Variants in CCM2 observed in about 807,000 individuals in gnomAD.
CCM2 encodes the protein CCM2 scaffold protein.
In CCM2, 25 loss-of-function variants were observed where a neutral mutation model predicts 44.9. That is an observed-to-expected ratio of 0.56 (90% CI 0.41 to 0.78). The LOEUF (loss-of-function observed/expected upper bound fraction) is 0.78. Ranked by LOEUF, CCM2 falls within the 30% of genes least tolerant of loss-of-function variation. The pLI is 0.00. For synonymous variants in CCM2, 219 were observed against 241.1 expected, an observed-to-expected ratio of 0.91 and a Z score of 0.85; for missense variants, 481 against 580.6, an observed-to-expected ratio of 0.83 and a Z score of 1.76.
chr7:45,003,717 G>A lies in CCM2; in HGVS notation c.30+3354G>A, dbSNP rs1795735887. Among the ~76,000 whole-genome samples the A allele has an allele frequency of 2.5e-5, 3 of 121,728 alleles. No homozygotes were observed. The South Asian group carries it at 8.8e-4, about 36-fold the overall frequency. 79.9% of individuals were successfully genotyped at this position (121,728 alleles called of 152,430 possible). ...TACTCCAGCCTGGGCAACAGGGCAA[G>A]ACTCCATCTCCAAAAAAAAAAAAAA... On this transcript the variant is annotated intron_variant, in intron 1 of 9. Coordinates refer to ENST00000258781, the MANE Select transcript of CCM2 (RefSeq NM_031443.4).
intron 1 of CCM2, among the ~76,000 whole-genome samples, chr7:45,037,134 A>G (rs937715025): frequency 6.6e-6 from 1 of 151,974 alleles, no homozygotes; most frequent in African/African-American, 2.4e-5. Flanking sequence ...CTCTCAGCAC[A>G]ATTTGGGATT....
chr7:45,032,307 G>C (rs137885115), intron 1 of CCM2, among the ~76,000 whole-genome samples: 1 of 152,214 alleles, frequency 6.6e-6, no homozygotes, highest in South Asian at 2.1e-4. Flanking sequence ...TAAAATGTTC[G>C]TGATTTGGAG....
chr7:45,072,338 C>T, intron 6 of CCM2: 1 of 362,562 alleles, frequency 2.8e-6, no homozygotes, highest in Non-Finnish European at 5.4e-6. Context: ...CTCTGACTTA[C>T]TTCCTAATCT....
At chr7:45,058,776 A>G (rs1798386206) in intron 2 of CCM2, among the ~76,000 whole-genome samples, 1 of 151,954 alleles carries the variant, frequency 6.6e-6, no homozygotes, top group South Asian at 2.1e-4. Flanking sequence ...GATGGATTAC[A>G]ACGATATATT....
At chr7:45,008,820 T>A (rs1795951928) in intron 1 of CCM2, among the ~76,000 whole-genome samples, 1 of 152,202 alleles carries the variant, frequency 6.6e-6, no homozygotes. Flanking sequence ...AGCTTTTACT[T>A]TTCATGCTAC....
chr7:45,073,059 GT>G, intron 7 of CCM2: 1 of 603,630 alleles, frequency 1.7e-6, no homozygotes, highest in South Asian at 1.9e-5. Context: ...GGATGGAGCT[GT>G]TCCCCTGCCC....
At chr7:45,064,980 T>TAG (rs1798703679) in intron 4 of CCM2, among the ~76,000 whole-genome samples, 2 of 152,078 alleles carry the variant, frequency 1.3e-5, no homozygotes, top group Admixed American at 1.3e-4. Flanking sequence ...TGGTGGAGCC[T>TAG]AGAGAGAGTG....
At chr7:45,065,564 T>C (rs912243417) in intron 4 of CCM2, among the ~76,000 whole-genome samples, 5 of 152,126 alleles carry the variant, frequency 3.3e-5, no homozygotes, top group African/African-American at 1.2e-4. Context: ...ATCTGGCGAG[T>C]GTGTTCATTA....
At chr7:45,031,950 A>AGCTCTTTTT (rs1796989354) in intron 1 of CCM2, among the ~76,000 whole-genome samples, 1 of 152,062 alleles carries the variant, frequency 6.6e-6, no homozygotes, top group East Asian at 1.9e-4. Context: ...TTGTATCTGG[A>AGCTCTTTTT]ATAGCAGAGA....
intron 1 of CCM2, among the ~76,000 whole-genome samples, chr7:45,031,200 T>C (rs1000525880): frequency 2.6e-5 from 4 of 151,208 alleles, no homozygotes; most frequent in African/African-American, 9.7e-5. Flanking sequence ...CTGGCCAACA[T>C]GGTGAAACCC....
intron 2 of CCM2, among the ~76,000 whole-genome samples, chr7:45,054,266 G>A (rs1427282169): frequency 6.6e-6 from 1 of 152,046 alleles, no homozygotes; most frequent in Admixed American, 6.6e-5. Context: ...AGTGTGTGGG[G>A]GGCTTCTGTC....
At chr7:45,020,466 GTATT>G (rs1361947813) in intron 1 of CCM2, among the ~76,000 whole-genome samples, 1 of 152,038 alleles carries the variant, frequency 6.6e-6, no homozygotes, top group Non-Finnish European at 1.5e-5. Flanking sequence ...GTGGGCTACT[GTATT>G]TAAACAGCAG....
At chr7:45,042,337 G>C (rs570887573) in intron 2 of CCM2, among the ~76,000 whole-genome samples, 1 of 150,738 alleles carries the variant, frequency 6.6e-6, no homozygotes, top group South Asian at 2.1e-4. Flanking sequence ...TATTGTTGAA[G>C]TCCTGAAAAG....
chr7:45,009,008 A>T (rs1353475657), intron 1 of CCM2, among the ~76,000 whole-genome samples: 8 of 152,080 alleles, frequency 5.3e-5, no homozygotes, highest in African/African-American at 1.7e-4. Flanking sequence ...GCATTTTATG[A>T]TGAAAATTTT....
intron 4 of CCM2, among the ~76,000 whole-genome samples, chr7:45,064,913 G>A (rs904127116): frequency 2.6e-5 from 4 of 152,098 alleles, no homozygotes; most frequent in Admixed American, 6.6e-5. Context: ...TCCTCTGCCC[G>A]GTGGGGCTCC....
intron 1 of CCM2, among the ~76,000 whole-genome samples, chr7:45,005,932 T>A (rs148014490): frequency 8.5e-5 from 13 of 152,366 alleles, no homozygotes; most frequent in African/African-American, 3.1e-4. Flanking sequence ...TGGTTCTGTA[T>A]GCACTTGAAG....
chr7:45,058,363 C>T (rs1229557098), intron 2 of CCM2, among the ~76,000 whole-genome samples: 1 of 151,926 alleles, frequency 6.6e-6, no homozygotes, highest in Non-Finnish European at 1.5e-5. Context: ...TACATGTGCA[C>T]AACGTGCAGG....
chr7:45,038,878 T>A (rs1296775193), intron 2 of CCM2, among the ~76,000 whole-genome samples: 1 of 152,248 alleles, frequency 6.6e-6, no homozygotes, highest in African/African-American at 2.4e-5. Flanking sequence ...ATACTGTGCA[T>A]AAACCATGTG....
At chr7:45,012,692 G>A (rs779443190) in intron 1 of CCM2, among the ~76,000 whole-genome samples, 1 of 151,428 alleles carries the variant, frequency 6.6e-6, no homozygotes, top group Non-Finnish European at 1.5e-5. Flanking sequence ...GTAGCTGGGA[G>A]TACAGGTGTG....
Sources: allele counts gnomAD v4.1 joint callset (sites outside exome capture counted in the v4.1 genomes callset), GRCh38; gene constraint gnomAD v4.1.1; transcripts MANE v1.5; gene names NCBI Gene and HGNC (gene_info 2026-07-23, HGNC 2026-07-21).